Variants in STARD9 observed in about 807,000 individuals in gnomAD.
STARD9 encodes StAR related lipid transfer domain containing 9.
STARD9 carries 346 observed loss-of-function variants against 399.8 expected under a neutral mutation model. The observed-to-expected ratio is 0.87, with a 90% CI of 0.79 to 0.95. STARD9 has a LOEUF of 0.95. Among genes scored for constraint, STARD9 ranks in the 40% least tolerant of loss-of-function variants. The pLI is 0.00. For synonymous variants in STARD9, 2,203 were observed against 2,143.5 expected (o/e 1.03, Z -0.77); for missense variants, 5,832 against 5,667.5 (o/e 1.03, Z -0.93).
intron 3 of STARD9, among the ~76,000 whole-genome samples, chr15:42,586,405 G>T (rs571860515): frequency 5.9e-5 from 9 of 152,314 alleles, no homozygotes; most frequent in African/African-American, 1.9e-4. Context: ...GTTCTGCTTA[G>T]CTCTCGGTCA....
At chr15:42,626,149 C>T (rs2059204464) in intron 3 of STARD9, among the ~76,000 whole-genome samples, 1 of 152,172 alleles carries the variant, frequency 6.6e-6, no homozygotes, top group African/African-American at 2.4e-5. Flanking sequence ...TCTCAGAACT[C>T]CTGACCTCAG....
intron 15 of STARD9, among the ~76,000 whole-genome samples, chr15:42,666,732 A>C (rs528091779): frequency 1.4e-4 from 22 of 152,222 alleles, no homozygotes; most frequent in Non-Finnish European, 2.5e-4. Flanking sequence ...ACCAGGAAAG[A>C]GACTGCTGTA....
chr15:42,575,663 G>A lies in STARD9; in HGVS notation c.-53G>A. On this transcript the variant is annotated 5_prime_UTR_variant, in exon 1 of 33. Coordinates refer to ENST00000290607, the MANE Select transcript of STARD9 (RefSeq NM_020759.3). ...GGCTGTGTCTGGGCTTAGGGCGGGG[G>A]CCTGGGATGCTGCCGCTGAGCTGAC... 2 of 1,528,460 alleles carry A rather than the reference G, an allele frequency of 1.3e-6. No individual in the cohort carries two copies. The highest frequency in any genetic ancestry group is 1.4e-5 in the African/African-American group (1 of 72,948). The allele number at this position is 1,528,460 out of a possible 1,614,324, so 94.7% of individuals were successfully genotyped here.
chr15:42,615,119 C>T (rs575036005), intron 3 of STARD9, among the ~76,000 whole-genome samples: 57 of 151,096 alleles, frequency 3.8e-4, no homozygotes, highest in African/African-American at 1.3e-3. Context: ...AGTGATTCTC[C>T]TGCCTCAACC....
chr15:42,635,369 G>A (rs1027997931), intron 4 of STARD9, among the ~76,000 whole-genome samples: 2 of 151,484 alleles, frequency 1.3e-5, no homozygotes, highest in African/African-American at 4.9e-5. Context: ...TTGCTCTGTC[G>A]CCGAGGCTGG....
In STARD9 at chr15:42,611,278, A is replaced by C. The variant is rs142159506; in HGVS notation, c.235-23578A>C. Among the ~76,000 whole-genome samples, 40 of 152,358 alleles carry C rather than the reference A, an allele frequency of 2.6e-4. 1 individual carries two copies. In the East Asian group the frequency reaches 7.3e-3, roughly 28 times the overall value. ...AGATGGAGTTGAGTAGTTGTGACAG[A>C]AACATTATGATCCACAAAGCTGAAA... On this transcript the variant is annotated intron_variant, in intron 3 of 32. Coordinates refer to ENST00000290607, the MANE Select transcript of STARD9 (RefSeq NM_020759.3).
intron 3 of STARD9, among the ~76,000 whole-genome samples, chr15:42,613,837 C>T (rs1360421105): frequency 5.9e-5 from 9 of 151,878 alleles, no homozygotes; most frequent in South Asian, 2.1e-4. Context: ...TGGTGGCTTG[C>T]GTCAGTAATC....
chr15:42,613,120 C>T (rs2058887938), intron 3 of STARD9, among the ~76,000 whole-genome samples: 1 of 151,580 alleles, frequency 6.6e-6, no homozygotes, highest in Non-Finnish European at 1.5e-5. Flanking sequence ...ATTTATGTTT[C>T]TGTATGCATT....
chr15:42,614,518 AT>A (rs1251053535), intron 3 of STARD9, among the ~76,000 whole-genome samples: 1 of 152,204 alleles, frequency 6.6e-6, no homozygotes, highest in Non-Finnish European at 1.5e-5. Flanking sequence ...AGTGATGCTG[AT>A]TGCTGGTGAG....
intron 18 of STARD9, 43 bp from the exon 19 acceptor site, chr15:42,675,621 A>G (rs1257101584): frequency 6.9e-7 from 1 of 1,449,420 alleles, no homozygotes; most frequent in South Asian, 1.2e-5. Context: ...GTACTCCAAA[A>G]CATGAGCTGT....
intron 3 of STARD9, among the ~76,000 whole-genome samples, chr15:42,631,662 T>C (rs1364727463): frequency 2.6e-5 from 4 of 152,198 alleles, no homozygotes; most frequent in Admixed American, 2.6e-4. Flanking sequence ...TTGTTTAATT[T>C]CCATGTGTGT....
intron 2 of STARD9, among the ~76,000 whole-genome samples, chr15:42,584,382 C>T (rs2058232151): frequency 6.6e-6 from 1 of 152,196 alleles, no homozygotes; most frequent in South Asian, 2.1e-4. Context: ...ATTGCTGTCG[C>T]CTAATCACTT....
At chr15:42,698,568 G>A (rs1371681176) in intron 26 of STARD9, among the ~76,000 whole-genome samples, 3 of 152,068 alleles carry the variant, frequency 2.0e-5, no homozygotes, top group Admixed American at 1.3e-4. Context: ...TGACTGATAC[G>A]AACTAGAAAT....
intron 7 of STARD9, among the ~76,000 whole-genome samples, chr15:42,646,704 G>A (rs114435521): frequency 1.1e-3 from 162 of 152,304 alleles, no homozygotes; most frequent in African/African-American, 3.1e-3. Context: ...ATGTGTTCAC[G>A]GAGTAGCACT....
chr15:42,682,579 C>T lies in STARD9; in HGVS notation c.2537+4C>T. The T allele has an allele frequency of 6.6e-7, 1 of 1,522,866 alleles. No individual in the cohort carries two copies. The highest frequency in any genetic ancestry group is 8.8e-7 in the Non-Finnish European group (1 of 1,138,370). 94.3% of individuals were successfully genotyped at this position (1,522,866 alleles called of 1,614,324 possible). A position where few individuals can be genotyped will look rare whatever the true frequency, so the allele number is the denominator to read the frequency against. On this transcript the variant is annotated splice_donor_region_variant and intron_variant, in intron 22 of 32. Transcript: ENST00000290607. Reference sequence around the variant, plus strand: ...AGCACATGCCCCAGCTACACAGGTACAGCCAGTAGTTGTCACTGGGAAGCA... The same window carrying T: ...AGCACATGCCCCAGCTACACAGGTATAGCCAGTAGTTGTCACTGGGAAGCA...
At chr15:42,643,500 G>A (rs35006192) in intron 7 of STARD9, among the ~76,000 whole-genome samples, 7,677 of 151,032 alleles carry the variant, frequency 0.051, 296 homozygotes, top group South Asian at 0.087. Context: ...CCGGCCCCTC[G>A]TTCTTTTTAA....
Position 42,682,559 on chromosome 15 carries a change from A to G in STARD9, c.2521A>G (p.Met841Val). 1 of 1,535,970 alleles carries G rather than the reference A, an allele frequency of 6.5e-7. No individual in the cohort carries two copies. Among genetic ancestry groups the G allele is most frequent in the Non-Finnish European group, 8.7e-7 (1 of 1,146,030 alleles). ...CCCCCAAAGACTCTGCAGCAAGCAC[A>G]TGCCCCAGCTACACAGGTACAGCCA... is the stretch of plus-strand genomic sequence containing the variant. ...LSPQRLCSKH[M>V]PQLHSIFLSW... The change falls in exon 22 of 33, where the codon ATG (methionine) becomes GTG (valine). Residue 841 changes from methionine to valine, a missense_variant. Physicochemically the swap from Met to Val is conservative, Grantham distance 21. Around this residue, in one of 2 missense-constraint regions of STARD9, gnomAD observed 5,828 missense variants for 5,651.1 expected, o/e 1.03. Coordinates refer to ENST00000290607, the MANE Select transcript of STARD9 (RefSeq NM_020759.3).
intron 26 of STARD9, among the ~76,000 whole-genome samples, chr15:42,697,654 A>C (rs929245373): frequency 2.0e-5 from 3 of 152,186 alleles, no homozygotes; most frequent in African/African-American, 7.2e-5. Context: ...AACACAGTCA[A>C]AACTTGGTTT....
In STARD9 at chr15:42,694,599, G is replaced by GC; in HGVS notation, c.12838dup (p.Leu4280ProfsTer2). ...CTTGGGAACTTCTGCCGGACGCGAA[G>GC]CCTTAGCCCTCAGAAACAACTGAGC... is the stretch of plus-strand genomic sequence containing the variant. On this transcript the variant is annotated frameshift_variant, in exon 24 of 33. Transcript: ENST00000290607. LOFTEE classifies it high-confidence loss of function. The GC allele has an allele frequency of 6.5e-7, 1 of 1,537,222 alleles. No individual in the cohort carries two copies. The highest frequency in any genetic ancestry group is 1.4e-5 in the African/African-American group (1 of 73,156).
Sources: allele counts gnomAD v4.1 joint callset (sites outside exome capture counted in the v4.1 genomes callset), GRCh38; gene constraint gnomAD v4.1.1; regional missense constraint gnomAD v4.1.1; transcripts MANE v1.5; gene names NCBI Gene and HGNC (gene_info 2026-07-23, HGNC 2026-07-21).